FGD4: variants seen among roughly 807,000 people sequenced by gnomAD.
FGD4 encodes FYVE, RhoGEF and PH domain containing 4, also known as FYVE, RhoGEF and PH domain-containing protein 4.
Under a neutral mutation model 102.0 loss-of-function variants are expected in FGD4, and 42 were observed. The observed-to-expected ratio is 0.41, with a 90% CI of 0.32 to 0.53. The LOEUF (loss-of-function observed/expected upper bound fraction) is 0.53. Among genes scored for constraint, FGD4 ranks in the 20% least tolerant of loss-of-function variants. The probability of loss-of-function intolerance (pLI) is 0.21; values close to 1 mark genes in which losing one functional copy is unlikely to be tolerated. For missense variants in FGD4, 902 were observed against 1,078.2 expected (o/e 0.84, Z 2.29); for synonymous variants, 380 against 375.7 (o/e 1.01, Z -0.13).
chr12:32,583,451 C>T lies in FGD4; in HGVS notation c.1011+984C>T, dbSNP rs143637861. On this transcript the variant is annotated intron_variant, in intron 4 of 16. Transcript: ENST00000534526. ...ACGCTGTTTTTTGAATAATAGCTCA[C>T]AACCCTCATGCTGTGACTCCCAGGC... Among the ~76,000 whole-genome samples the T allele has an allele frequency of 4.7e-3, 720 of 152,262 alleles. 5 individuals carry two copies. Among genetic ancestry groups the T allele is most frequent in the Middle Eastern group, 0.014 (4 of 294 alleles).
intron 1 of FGD4, among the ~76,000 whole-genome samples, chr12:32,552,434 ATTTTTTTTTTT>A (rs66646521): frequency 1.6e-3 from 193 of 121,000 alleles, no homozygotes; most frequent in African/African-American, 4.0e-3. Flanking sequence ...TAATTTTTGC[ATTTTTTTTTTT>A]TTTTTTTTTT....
At chr12:32,502,024 C>T (rs1938255881) in intron 1 of FGD4, 1 of 985,444 alleles carries the variant, frequency 1.0e-6, no homozygotes, top group Non-Finnish European at 1.2e-6. Flanking sequence ...ATGTTCCTTC[C>T]TTTAGGATTT....
At chr12:32,502,273 TGAAG>T in intron 1 of FGD4, 1 of 985,404 alleles carries the variant, frequency 1.0e-6, no homozygotes, top group Non-Finnish European at 1.2e-6. Flanking sequence ...GAAGAACAAA[TGAAG>T]GGAGTTTTAC....
At chr12:32,563,275 C>A (rs1354053394) in intron 1 of FGD4, among the ~76,000 whole-genome samples, 3 of 151,260 alleles carry the variant, frequency 2.0e-5, no homozygotes, top group Non-Finnish European at 4.4e-5. Flanking sequence ...GGTCTCCTCA[C>A]TTCTCAGACG....
intron 1 of FGD4, among the ~76,000 whole-genome samples, chr12:32,561,788 A>G (rs1279044949): frequency 1.3e-5 from 2 of 152,222 alleles, no homozygotes; most frequent in African/African-American, 4.8e-5. Context: ...TATACCAGAA[A>G]GTGAACAAAC....
intron 14 of FGD4, among the ~76,000 whole-genome samples, chr12:32,628,424 T>G (rs138943661): frequency 1.3e-5 from 2 of 151,414 alleles, no homozygotes; most frequent in East Asian, 3.9e-4. Context: ...TGGAAGAGTT[T>G]GATTCTAGAG....
At chr12:32,426,478 G>T (rs182863027) in intron 1 of FGD4, among the ~76,000 whole-genome samples, 4 of 152,270 alleles carry the variant, frequency 2.6e-5, no homozygotes, top group Non-Finnish European at 5.9e-5. Flanking sequence ...GTATTTTATT[G>T]AGGATTTTCG....
intron 1 of FGD4, among the ~76,000 whole-genome samples, chr12:32,407,945 C>T (rs528575454): frequency 1.3e-5 from 2 of 152,026 alleles, no homozygotes; most frequent in East Asian, 1.9e-4. Flanking sequence ...TTTTTCCCCT[C>T]CTCACCCCCA....
At chr12:32,631,122 T>C (rs1381825660) in intron 14 of FGD4, among the ~76,000 whole-genome samples, 3 of 152,248 alleles carry the variant, frequency 2.0e-5, no homozygotes, top group Non-Finnish European at 4.4e-5. Context: ...TTTCTGATTG[T>C]AAGTTAATAA....
At chr12:32,526,806 A>C (rs1160717462) in intron 1 of FGD4, among the ~76,000 whole-genome samples, 1 of 151,864 alleles carries the variant, frequency 6.6e-6, no homozygotes, top group African/African-American at 2.4e-5. Flanking sequence ...GGAACGAACA[A>C]CTCCAGATGC....
rs149517982 is a variant in FGD4 at position 32,461,360 on chromosome 12, T to C, written c.166+61401T>C. Reference sequence around the variant, plus strand: ...TATCACCAAGCTCTAGTAACAGAAGTGTTGATTGAAATGATTTCTTCAGTC... The same window carrying C: ...TATCACCAAGCTCTAGTAACAGAAGCGTTGATTGAAATGATTTCTTCAGTC... On this transcript the variant is annotated intron_variant, in intron 1 of 16. Transcript: ENST00000534526. Among the ~76,000 whole-genome samples the C allele has an allele frequency of 4.0e-3, 606 of 152,304 alleles. 7 individuals are homozygous for C. Among genetic ancestry groups the C allele is most frequent in the African/African-American group, 0.014 (586 of 41,570 alleles).
intron 1 of FGD4, among the ~76,000 whole-genome samples, chr12:32,473,816 G>A (rs546194636): frequency 2.6e-5 from 4 of 152,120 alleles, no homozygotes; most frequent in Admixed American, 6.5e-5. Flanking sequence ...GACCGGGCGC[G>A]GTGGCTCATG....
Position 32,638,700 on chromosome 12 carries a change from C to T in FGD4, c.2359C>T (p.Leu787Phe). Residue 787 changes from leucine to phenylalanine, a missense_variant, in exon 16 of 17, where the codon CTT becomes TTT. Physicochemically the swap from Leu to Phe is conservative, Grantham distance 22. Transcript: ENST00000534526. ...TGGAAACAGTGTGGTGTGCAGCTTT[C>T]TTCAGTATATGGAGAAGTCAAAACC... is the stretch of plus-strand genomic sequence containing the variant. ...VSGNSVVCSF[L>F]QYMEKSKPWQ... is the part of the protein sequence containing the mutation. 3 of 1,614,174 alleles carry T rather than the reference C, an allele frequency of 1.9e-6. No individual in the cohort carries two copies. The highest frequency in any genetic ancestry group is 2.5e-6 in the Non-Finnish European group (3 of 1,180,028).
intron 3 of FGD4, among the ~76,000 whole-genome samples, chr12:32,576,967 T>C (rs971035904): frequency 1.3e-5 from 2 of 152,088 alleles, no homozygotes; most frequent in African/African-American, 4.8e-5. Flanking sequence ...CTCCATATAC[T>C]CCATCATATG....
At chr12:32,403,371 C>G in intron 1 of FGD4, among the ~76,000 whole-genome samples, 1 of 152,152 alleles carries the variant, frequency 6.6e-6, no homozygotes, top group South Asian at 2.1e-4. Flanking sequence ...GTTCTAGTCC[C>G]TCTTCCATAG....
chr12:32,463,609 CCT>C (rs1555184429), intron 1 of FGD4, among the ~76,000 whole-genome samples: 1 of 152,066 alleles, frequency 6.6e-6, no homozygotes, highest in African/African-American at 2.4e-5. Flanking sequence ...GGTAAATGTC[CCT>C]GTTTTATGAT....
intron 1 of FGD4, among the ~76,000 whole-genome samples, chr12:32,481,952 A>G (rs979568438): frequency 1.3e-5 from 2 of 152,232 alleles, no homozygotes; most frequent in Non-Finnish European, 2.9e-5. Flanking sequence ...ATTATTGCAT[A>G]AAGTTCAATT....
intron 4 of FGD4, among the ~76,000 whole-genome samples, chr12:32,589,072 C>A (rs1195827292): frequency 1.3e-5 from 2 of 152,204 alleles, no homozygotes; most frequent in East Asian, 3.8e-4. Flanking sequence ...TCAGTTTCCT[C>A]ATCTGTAAAA....
chr12:32,569,419 A>G (rs1294129237), intron 2 of FGD4, among the ~76,000 whole-genome samples: 1 of 152,140 alleles, frequency 6.6e-6, no homozygotes, highest in African/African-American at 2.4e-5. Flanking sequence ...TTTTGTCCAC[A>G]TGCCCATTCT....
Sources: gnomAD v4.1 joint callset for allele counts (sites outside exome capture counted in the v4.1 genomes callset) on GRCh38, gnomAD v4.1.1 for gene constraint, MANE v1.5 for transcripts, NCBI Gene and HGNC (gene_info 2026-07-23, HGNC 2026-07-21) for gene names.